CHST8: variants seen among roughly 807,000 people sequenced by gnomAD.
The protein encoded by CHST8 is carbohydrate sulfotransferase 8, also known as GALNAC-4-ST1.
A neutral mutation model predicts 15.0 loss-of-function variants in CHST8; 10 were observed. The observed-to-expected ratio is 0.67, with a 90% CI of 0.41 to 1.13. The LOEUF (loss-of-function observed/expected upper bound fraction) is 1.13. CHST8 is among the 50% of genes most tolerant of loss of function. The pLI is 0.00. For missense variants in CHST8, 634 were observed against 608.2 expected, an observed-to-expected ratio of 1.04 and a Z score of -0.45; for synonymous variants, 259 against 256.6, an observed-to-expected ratio of 1.01 and a Z score of -0.09.
intron 1 of CHST8, among the ~76,000 whole-genome samples, chr19:33,623,604 C>G (rs774711757): frequency 1.3e-5 from 2 of 152,214 alleles, no homozygotes; most frequent in African/African-American, 2.4e-5. Flanking sequence ...TAACCTTTCT[C>G]TTCTGAGTTC....
In CHST8 at chr19:33,668,391, T is replaced by C. The variant is rs1234469434; in HGVS notation, c.-87+548T>C. On this transcript the variant is annotated intron_variant, in intron 2 of 4. Coordinates refer to ENST00000650847, the MANE Select transcript of CHST8 (RefSeq NM_001127895.2). Reference sequence around the variant, plus strand: ...GGGGGAACATACAACCTCCACCATATTGGATGTTGGGCTTGTCCAAAGATG... The same window carrying C: ...GGGGGAACATACAACCTCCACCATACTGGATGTTGGGCTTGTCCAAAGATG... 2.6e-5 allele frequency among the ~76,000 whole-genome samples: 4 copies of C among 152,076 alleles called. No individual in the cohort carries two copies. In the East Asian group the frequency reaches 7.7e-4, roughly 29 times the overall value.
chr19:33,655,155 G>A (rs111604512), intron 1 of CHST8, among the ~76,000 whole-genome samples: 8,074 of 152,146 alleles, frequency 0.053, 525 homozygotes, highest in African/African-American at 0.16. Context: ...TCATGCCTCA[G>A]CCTCCTGAGT....
intron 3 of CHST8, among the ~76,000 whole-genome samples, chr19:33,739,007 G>A (rs1203341554): frequency 1.3e-5 from 2 of 152,150 alleles, no homozygotes; most frequent in East Asian, 3.9e-4. Flanking sequence ...TTGCCTTCCA[G>A]TAGGGTTCCC....
intron 1 of CHST8, among the ~76,000 whole-genome samples, chr19:33,655,071 C>G (rs1474945874): frequency 1.3e-5 from 2 of 152,192 alleles, no homozygotes; most frequent in Non-Finnish European, 2.9e-5. Flanking sequence ...GGGTCTGGCT[C>G]TGTTGCCCAG....
chr19:33,773,367 C>A lies in CHST8; in HGVS notation c.*304C>A. On this transcript the variant is annotated 3_prime_UTR_variant, in exon 5 of 5. Transcript: ENST00000650847. ...GCAGGGAAGTCTGAGGCCCAGAGGA[C>A]GGGGGGCCCAGCGGTAAGGGATGTC... The A allele has an allele frequency of 4.7e-6, 2 of 421,916 alleles. No homozygotes were observed. The highest frequency in any genetic ancestry group is 8.5e-6 in the Non-Finnish European group (2 of 235,646). The allele number at this position is 421,916 out of a possible 1,614,324, so 26.1% of individuals were successfully genotyped here.
intron 3 of CHST8, among the ~76,000 whole-genome samples, chr19:33,762,764 G>A (rs577018179): frequency 4.6e-5 from 7 of 152,272 alleles, no homozygotes; most frequent in South Asian, 2.1e-4. Flanking sequence ...ACATTTTACC[G>A]ATGAATTTTT....
intron 3 of CHST8, among the ~76,000 whole-genome samples, chr19:33,713,369 C>T (rs886947745): frequency 1.3e-5 from 2 of 152,066 alleles, no homozygotes; most frequent in Non-Finnish European, 1.5e-5. Context: ...CCCAGGGGAG[C>T]CAATTATGCA....
chr19:33,733,537 GAT>G (rs1224005003), intron 3 of CHST8, among the ~76,000 whole-genome samples: 2 of 152,148 alleles, frequency 1.3e-5, no homozygotes, highest in Non-Finnish European at 2.9e-5. Context: ...GCCTGGCCCA[GAT>G]ATATTCTTGA....
At chr19:33,637,753 T>G (rs1972224005) in intron 1 of CHST8, among the ~76,000 whole-genome samples, 1 of 145,630 alleles carries the variant, frequency 6.9e-6, no homozygotes, top group African/African-American at 2.5e-5. Flanking sequence ...ATCCCAGCTC[T>G]TTGGGAGGCC....
At chr19:33,758,763 G>A (rs914461096) in intron 3 of CHST8, among the ~76,000 whole-genome samples, 1 of 152,228 alleles carries the variant, frequency 6.6e-6, no homozygotes, top group Non-Finnish European at 1.5e-5. Flanking sequence ...AGTGGGTAGG[G>A]AGCACTTTTC....
chr19:33,704,167 G>A (rs1031079274), intron 3 of CHST8, among the ~76,000 whole-genome samples: 5 of 152,204 alleles, frequency 3.3e-5, no homozygotes, highest in Admixed American at 6.5e-5. Context: ...CCACCAGGGC[G>A]GGACTGCAGG....
intron 3 of CHST8, among the ~76,000 whole-genome samples, chr19:33,768,197 G>T (rs144897632): frequency 1.3e-5 from 2 of 152,310 alleles, no homozygotes; most frequent in Non-Finnish European, 2.9e-5. Context: ...TGGAAGAGCA[G>T]TTTTCTTCCT....
intron 2 of CHST8, among the ~76,000 whole-genome samples, chr19:33,675,397 A>G (rs987790957): frequency 2.0e-5 from 3 of 152,206 alleles, no homozygotes; most frequent in Non-Finnish European, 2.9e-5. Flanking sequence ...TCTCAGGATA[A>G]AACCTGCCCC....
At chr19:33,714,505 AAG>A (rs1297223120) in intron 3 of CHST8, among the ~76,000 whole-genome samples, 1 of 152,070 alleles carries the variant, frequency 6.6e-6, no homozygotes, top group African/African-American at 2.4e-5. Flanking sequence ...GTGGGAGGAT[AAG>A]AGGGGCACGG....
At chr19:33,645,703 G>A (rs1193827086) in intron 1 of CHST8, among the ~76,000 whole-genome samples, 1 of 152,184 alleles carries the variant, frequency 6.6e-6, no homozygotes, top group Admixed American at 6.6e-5. Context: ...TGAATATTTG[G>A]TTGGATATAC....
chr19:33,743,826 CTG>C (rs1394382543), intron 3 of CHST8, among the ~76,000 whole-genome samples: 1 of 148,500 alleles, frequency 6.7e-6, no homozygotes, highest in Non-Finnish European at 1.5e-5. Flanking sequence ...GAGTCTCACT[CTG>C]TCGACCAGGC....
chr19:33,747,110 C>T (rs1416528414), intron 3 of CHST8, among the ~76,000 whole-genome samples: 1 of 152,068 alleles, frequency 6.6e-6, no homozygotes, highest in African/African-American at 2.4e-5. Context: ...TGTTTGACTC[C>T]AGGGAATGGC....
At chr19:33,693,084 G>A (rs547281565) in intron 3 of CHST8, among the ~76,000 whole-genome samples, 12 of 148,556 alleles carry the variant, frequency 8.1e-5, no homozygotes, top group African/African-American at 2.2e-4. Context: ...TCAGCCCACC[G>A]CAAACTCCAC....
At chr19:33,699,878 C>A (rs911754149) in intron 3 of CHST8, among the ~76,000 whole-genome samples, 2 of 152,152 alleles carry the variant, frequency 1.3e-5, no homozygotes. Flanking sequence ...GAGACAAATG[C>A]CAGGACAAAT....
Sources: allele counts gnomAD v4.1 joint callset (sites outside exome capture counted in the v4.1 genomes callset), GRCh38; gene constraint gnomAD v4.1.1; transcripts MANE v1.5; gene names NCBI Gene and HGNC (gene_info 2026-07-23, HGNC 2026-07-21).